GATA4: variants seen among roughly 807,000 people sequenced by gnomAD.
The protein encoded by GATA4 is GATA binding protein 4.
A neutral mutation model predicts 37.9 loss-of-function variants in GATA4; 7 were observed. The ratio of observed to expected loss-of-function variants is 0.18; its 90% CI spans 0.11 to 0.35. The LOEUF is 0.35. Ranked by LOEUF, GATA4 falls within the 10% of genes least tolerant of loss-of-function variation. The probability of loss-of-function intolerance (pLI) is 1.00; values close to 1 mark genes in which losing one functional copy is unlikely to be tolerated. For missense variants in GATA4, 647 were observed against 653.0 expected (o/e 0.99, Z 0.10); for synonymous variants, 372 against 292.6 (o/e 1.27, Z -2.77).
At chr8:11,754,983 T>G in intron 4 of GATA4, 63 bp from the exon 5 acceptor site, 1 of 1,333,466 alleles carries the variant, frequency 7.5e-7, no homozygotes, top group Non-Finnish European at 1.1e-6. Flanking sequence ...GTGTGTGTCT[T>G]TCAATGCTGT....
At chr8:11,753,840 C>T (rs966827345) in intron 4 of GATA4, among the ~76,000 whole-genome samples, 1 of 152,174 alleles carries the variant, frequency 6.6e-6, no homozygotes, top group Non-Finnish European at 1.5e-5. Flanking sequence ...TTATCAATCC[C>T]ACATGGTAGA....
chr8:11,712,623 A>C (rs1171572984), intron 2 of GATA4, among the ~76,000 whole-genome samples: 1 of 149,322 alleles, frequency 6.7e-6, no homozygotes. Context: ...TGGGAGGCTG[A>C]GGTGGGAGGA....
intron 5 of GATA4, among the ~76,000 whole-genome samples, chr8:11,755,622 C>G (rs1802521425): frequency 2.0e-5 from 3 of 152,176 alleles, no homozygotes; most frequent in Admixed American, 2.0e-4. Flanking sequence ...GAAATATTAT[C>G]TCCATGAAAG....
chr8:11,680,558 G>C (rs923443875), intron 1 of GATA4: 65 of 985,248 alleles, frequency 6.6e-5, no homozygotes, highest in Non-Finnish European at 7.5e-5. Flanking sequence ...GTGGTCGCAC[G>C]CTGGTGGGCC....
rs1384605535 is a variant in GATA4 at position 11,759,471 on chromosome 8, C to T, written c.*996C>T. On this transcript the variant is annotated 3_prime_UTR_variant, in exon 7 of 7. Coordinates refer to ENST00000532059, the MANE Select transcript of GATA4 (RefSeq NM_001308093.3). ...TGCTGTCTGTCTGCTCCTCCTAGCC[C>T]TTGGTCAGATGGCAGCCAGAGTCCC... 2 of 152,316 alleles carry T rather than the reference C, an allele frequency of 1.3e-5. No individual in the cohort carries two copies. The highest frequency in any genetic ancestry group is 2.9e-5 in the Non-Finnish European group (2 of 68,100). The allele number at this position is 152,316 out of a possible 1,614,324, so 9.4% of individuals were successfully genotyped here. A position where few individuals can be genotyped will look rare whatever the true frequency, so the allele number is the denominator to read the frequency against.
At chr8:11,693,987 A>G (rs1799427502) in intron 1 of GATA4, among the ~76,000 whole-genome samples, 1 of 151,780 alleles carries the variant, frequency 6.6e-6, no homozygotes. Context: ...GAGAGGGGGG[A>G]ACACCTCTAC....
intron 1 of GATA4, among the ~76,000 whole-genome samples, chr8:11,705,382 C>T (rs1382152317): frequency 6.6e-6 from 1 of 152,190 alleles, no homozygotes; most frequent in African/African-American, 2.4e-5. Flanking sequence ...CGCTGCAGGC[C>T]GAGAGCGGAG....
At chr8:11,687,546 A>G (rs1341639448) in intron 1 of GATA4, among the ~76,000 whole-genome samples, 1 of 152,176 alleles carries the variant, frequency 6.6e-6, no homozygotes, top group Non-Finnish European at 1.5e-5. Flanking sequence ...CACATACATC[A>G]CATTTGAACC....
chr8:11,684,606 C>G (rs1482133276), intron 1 of GATA4, among the ~76,000 whole-genome samples: 1 of 152,206 alleles, frequency 6.6e-6, no homozygotes, highest in South Asian at 2.1e-4. Context: ...CCTCCACTCA[C>G]TGGCTGTGTT....
intron 2 of GATA4, among the ~76,000 whole-genome samples, chr8:11,720,500 G>C (rs1339130583): frequency 6.6e-6 from 1 of 152,036 alleles, no homozygotes; most frequent in African/African-American, 2.4e-5. Context: ...TGTTACATAG[G>C]TAAACTCGTG....
chr8:11,714,678 A>G (rs1427130612), intron 2 of GATA4, among the ~76,000 whole-genome samples: 2 of 152,212 alleles, frequency 1.3e-5, no homozygotes, highest in Non-Finnish European at 2.9e-5. Context: ...GTTGTGTCCC[A>G]TCAAAAGGTC....
chr8:11,702,554 G>T (rs567812489), upstream of GATA4, among the ~76,000 whole-genome samples: 10 of 151,172 alleles, frequency 6.6e-5, no homozygotes, highest in South Asian at 2.1e-3. This position sits in a 1 kb window ranked among gnomAD's most constrained non-coding sequence, Gnocchi z 4.4. Flanking sequence ...ATCGCAGATT[G>T]GAGCGTGCTC....
In GATA4 at chr8:11,755,111, G is replaced by A. The variant is rs939153862; in HGVS notation, c.978G>A (p.Leu326=). Reference sequence around the variant, plus strand: ...CCAGAAAACGGAAGCCCAAGAACCTGAATAAATCTAAGACACCAGCAGGTG... The same window carrying A: ...CCAGAAAACGGAAGCCCAAGAACCTAAATAAATCTAAGACACCAGCAGGTG... ...IQTRKRKPKN[L]NKSKTPAAPS... The change falls in exon 5 of 7, where the codon CTG becomes CTA. Residue 326 remains leucine, a synonymous_variant. Transcript: ENST00000532059. The A allele has an allele frequency of 1.2e-6, 2 of 1,613,888 alleles. No homozygotes were observed. The highest frequency in any genetic ancestry group is 4.5e-5 in the East Asian group (2 of 44,886).
At chr8:11,696,113 C>T (rs1653987895) in intron 1 of GATA4, among the ~76,000 whole-genome samples, 1 of 152,100 alleles carries the variant, frequency 6.6e-6, no homozygotes. Context: ...CTGCTTTTTT[C>T]AAAGCCAGAT....
At chr8:11,737,853 C>G (rs1322453652) in intron 2 of GATA4, among the ~76,000 whole-genome samples, 2 of 152,138 alleles carry the variant, frequency 1.3e-5, no homozygotes, top group African/African-American at 4.8e-5. Context: ...ATGATGCTAG[C>G]CCCTGACATA....
intron 5 of GATA4, among the ~76,000 whole-genome samples, chr8:11,756,215 TG>T (rs1465992290): frequency 6.6e-6 from 1 of 152,086 alleles, no homozygotes; most frequent in Non-Finnish European, 1.5e-5. Flanking sequence ...GTCAGATAAA[TG>T]GGCCCTTTCC....
intron 2 of GATA4, among the ~76,000 whole-genome samples, chr8:11,713,986 A>G (rs1340769714): frequency 2.0e-5 from 3 of 152,286 alleles, no homozygotes; most frequent in African/African-American, 4.8e-5. Flanking sequence ...GGAGTCTTTT[A>G]TTGCATGTAC....
intron 2 of GATA4, among the ~76,000 whole-genome samples, chr8:11,713,546 C>G (rs796567349): frequency 7.3e-5 from 11 of 151,660 alleles, no homozygotes; most frequent in African/African-American, 2.7e-4. Context: ...CTTCAGGGAA[C>G]CACTGGAGGA....
At chr8:11,743,671 G>A (rs1163375573) in intron 2 of GATA4, among the ~76,000 whole-genome samples, 1 of 152,248 alleles carries the variant, frequency 6.6e-6, no homozygotes. Context: ...GGTTCCCCAA[G>A]ATGGATGGAG....
Sources: allele counts gnomAD v4.1 joint callset (sites outside exome capture counted in the v4.1 genomes callset), GRCh38; gene constraint gnomAD v4.1.1; non-coding constraint Gnocchi (gnomAD v3.1); transcripts MANE v1.5; gene names NCBI Gene and HGNC (gene_info 2026-07-23, HGNC 2026-07-21).